Variants in COL4A1 observed in about 807,000 individuals in gnomAD.
The protein encoded by COL4A1 is collagen alpha-1(IV) chain.
A neutral mutation model predicts 216.6 loss-of-function variants in COL4A1; 40 were observed. The observed-to-expected ratio is 0.18, with a 90% CI of 0.14 to 0.24. The LOEUF is 0.24. Ranked by LOEUF, COL4A1 falls within the 10% of genes least tolerant of loss-of-function variation. COL4A1 has a pLI of 1.00. For synonymous variants in COL4A1, 839 were observed against 810.7 expected (o/e 1.03, Z -0.59); for missense variants, 1,628 against 2,196.8 (o/e 0.74, Z 5.18).
At chr13:110,224,699 A>G (rs630943) in intron 2 of COL4A1, among the ~76,000 whole-genome samples, 111,057 of 152,144 alleles carry the variant, frequency 0.73, 40,639 homozygotes, top group Middle Eastern at 0.82. Flanking sequence ...TTCGAAAGAC[A>G]TGTTCTACAT....
chr13:110,265,879 A>C (rs1242867578), intron 1 of COL4A1: 2 of 151,682 alleles, frequency 1.3e-5, no homozygotes, highest in Non-Finnish European at 2.9e-5. Context: ...TGAACACTAG[A>C]CTCTAAGAGC....
intron 21 of COL4A1, among the ~76,000 whole-genome samples, chr13:110,198,118 T>TGTCC (rs55885552): frequency 6.6e-6 from 1 of 151,368 alleles, no homozygotes; most frequent in South Asian, 2.1e-4. Context: ...TGTGTGTGTG[T>TGTCC]CCTAGTATTC....
chr13:110,168,251 G>C (rs190791791), intron 43 of COL4A1, among the ~76,000 whole-genome samples: 1 of 152,302 alleles, frequency 6.6e-6, no homozygotes, highest in East Asian at 1.9e-4. Context: ...CCCACCTCAG[G>C]TGATCTGCCC....
intron 17 of COL4A1, among the ~76,000 whole-genome samples, chr13:110,204,717 A>T (rs1487616434): frequency 6.6e-6 from 1 of 150,824 alleles, no homozygotes; most frequent in Non-Finnish European, 1.5e-5. Context: ...TTTCTGGGGC[A>T]ATTTGGTTGC....
chr13:110,250,216 A>C (rs1446667717), intron 1 of COL4A1, among the ~76,000 whole-genome samples: 1 of 151,998 alleles, frequency 6.6e-6, no homozygotes, highest in Non-Finnish European at 1.5e-5. Flanking sequence ...AAAAAAAAAA[A>C]AGCACAAAAA....
intron 43 of COL4A1, among the ~76,000 whole-genome samples, chr13:110,167,858 C>A (rs1020744440): frequency 5.9e-5 from 9 of 151,984 alleles, no homozygotes; most frequent in African/African-American, 2.2e-4. Context: ...TTATTTCTTA[C>A]GTAGATTTGT....
At chr13:110,191,321 T>C (rs1878616562) in intron 24 of COL4A1, 1 of 206,756 alleles carries the variant, frequency 4.8e-6, no homozygotes, top group African/African-American at 2.3e-5. Context: ...ACATCAGAAA[T>C]GAATAATTCT....
intron 49 of COL4A1, chr13:110,160,934 C>T: frequency 4.1e-6 from 2 of 490,512 alleles, no homozygotes; most frequent in South Asian, 4.1e-5. Context: ...GTCTTGAACT[C>T]CTGAGCTCAA....
chr13:110,190,477 G>A lies in COL4A1; in HGVS notation c.1536+1737C>T, dbSNP rs139917706. Among the ~76,000 whole-genome samples the A allele has an allele frequency of 3.9e-4, 60 of 152,238 alleles. 1 individual carries two copies. The highest frequency in any genetic ancestry group is 1.2e-3 in the African/African-American group (48 of 41,556). On this transcript the variant is annotated intron_variant, in intron 24 of 51. Transcript: ENST00000375820. Reference sequence around the variant, plus strand: ...CAACCTGGGCATCATCAATCCGCTCGGGGAGTCGGCCTTTTGTGATTCATT... The same window carrying A: ...CAACCTGGGCATCATCAATCCGCTCAGGGAGTCGGCCTTTTGTGATTCATT...
intron 2 of COL4A1, among the ~76,000 whole-genome samples, chr13:110,231,078 T>C (rs1881036241): frequency 6.6e-6 from 1 of 152,216 alleles, no homozygotes; most frequent in Non-Finnish European, 1.5e-5. Context: ...CCCAAAGCCC[T>C]GACTCAGAAA....
intron 48 of COL4A1, 184 bp downstream of exon 48, chr13:110,162,046 G>T: frequency 2.9e-6 from 2 of 701,188 alleles, no homozygotes; most frequent in Non-Finnish European, 2.6e-6. Context: ...CTGTTGAACC[G>T]ATTATTTGTA....
intron 44 of COL4A1, 52 bp from the exon 45 acceptor site, chr13:110,166,355 A>ACAC: frequency 1.8e-6 from 2 of 1,107,830 alleles, no homozygotes; most frequent in Non-Finnish European, 2.8e-6. Context: ...ATGATATACA[A>ACAC]ATATGTGTGT....
chr13:110,295,904 G>T (rs1179323279), intron 1 of COL4A1, among the ~76,000 whole-genome samples: 1 of 152,228 alleles, frequency 6.6e-6, no homozygotes, highest in Non-Finnish European at 1.5e-5. Context: ...GCTCTCCGGG[G>T]AGACAGGTGC....
intron 1 of COL4A1, among the ~76,000 whole-genome samples, chr13:110,267,632 G>C (rs1269644257): frequency 1.3e-5 from 2 of 152,160 alleles, no homozygotes; most frequent in African/African-American, 4.8e-5. Flanking sequence ...AGTGACACGA[G>C]TGTAAGAAGC....
At position 110,223,826 on chromosome 13, in the gene COL4A1, G is replaced by C. The variant is rs551704811; in HGVS notation, c.145-9811C>G. On this transcript the variant is annotated intron_variant, in intron 2 of 51. Coordinates refer to ENST00000375820, the MANE Select transcript of COL4A1 (RefSeq NM_001845.6). ...CTGGGTGACACCCCAAGGATGGCAGGACACACCAAGCAAGAGGCAGCCTCC... is the reference window on the plus strand; with the variant it reads ...CTGGGTGACACCCCAAGGATGGCAGCACACACCAAGCAAGAGGCAGCCTCC... 4.6e-5 allele frequency among the ~76,000 whole-genome samples: 7 copies of C among 152,286 alleles called. No individual in the cohort carries two copies. The South Asian group carries it at 1.2e-3, about 27-fold the overall frequency.
chr13:110,300,160 C>T lies in COL4A1; in HGVS notation c.84+6784G>A, dbSNP rs1884435581. 2.0e-5 allele frequency among the ~76,000 whole-genome samples: 3 copies of T among 152,030 alleles called. No homozygotes were observed. The South Asian group carries it at 6.2e-4, about 32-fold the overall frequency. On this transcript the variant is annotated intron_variant, in intron 1 of 51. Transcript: ENST00000375820. Reference sequence around the variant, plus strand: ...TTTAATAAATATGAAGGAAACAATACCAAAATGGTTATCATTGAGTTTATC... The same window carrying T: ...TTTAATAAATATGAAGGAAACAATATCAAAATGGTTATCATTGAGTTTATC...
intron 49 of COL4A1, among the ~76,000 whole-genome samples, chr13:110,157,462 T>TCGTGGAAACCACTAAGTTCAGTAAC (rs1876838559): frequency 6.6e-6 from 1 of 152,182 alleles, no homozygotes; most frequent in South Asian, 2.1e-4. Context: ...TCCTGAGAAG[T>TCGTGGAAACCACTAAGTTCAGTAAC]CGTGGAAACC....
chr13:110,192,157 T>G (rs1307425403), intron 24 of COL4A1, 57 bp downstream of exon 24: 1 of 1,554,522 alleles, frequency 6.4e-7, no homozygotes, highest in Non-Finnish European at 8.9e-7. Flanking sequence ...CACAACTCTG[T>G]CCACGTGCTT....
chr13:110,234,604 G>A (rs996869922), intron 2 of COL4A1, among the ~76,000 whole-genome samples: 2 of 152,048 alleles, frequency 1.3e-5, no homozygotes, highest in African/African-American at 4.8e-5. Flanking sequence ...GAAAAAAACA[G>A]GGGGGCGTTC....
Sources: allele counts gnomAD v4.1 joint callset (sites outside exome capture counted in the v4.1 genomes callset), GRCh38; gene constraint gnomAD v4.1.1; transcripts MANE v1.5; gene names NCBI Gene and HGNC (gene_info 2026-07-23, HGNC 2026-07-21).